MAN2B2: variants seen among roughly 807,000 people sequenced by gnomAD.
The protein encoded by MAN2B2 is mannosidase alpha class 2B member 2.
In MAN2B2, 106 loss-of-function variants were observed where a neutral mutation model predicts 117.1. That is an observed-to-expected ratio of 0.90 (90% CI 0.77 to 1.06). MAN2B2 has a LOEUF of 1.06. MAN2B2 is among the 50% of genes least tolerant of loss of function. The pLI is 0.00. For synonymous variants in MAN2B2, 544 were observed against 595.1 expected (o/e 0.91, Z 1.25); for missense variants, 1,326 against 1,381.4 (o/e 0.96, Z 0.64).
chr4:6,584,371 A>T (rs1726554192), intron 3 of MAN2B2, among the ~76,000 whole-genome samples: 1 of 152,226 alleles, frequency 6.6e-6, no homozygotes, highest in Non-Finnish European at 1.5e-5. Context: ...CAGACACCAC[A>T]TTCAAGGCAG....
chr4:6,595,204 G>A (rs1727031464), intron 7 of MAN2B2, among the ~76,000 whole-genome samples: 1 of 152,240 alleles, frequency 6.6e-6, no homozygotes, highest in Non-Finnish European at 1.5e-5. Context: ...AGCACAGCCT[G>A]AGAGCTAAGA....
chr4:6,576,546 C>T (rs1203720186), intron 1 of MAN2B2, 32 bp from the exon 2 acceptor site: 1 of 1,596,702 alleles, frequency 6.3e-7, no homozygotes. Context: ...TCTTGTTGGA[C>T]CGGGGCTGGC....
intron 16 of MAN2B2, among the ~76,000 whole-genome samples, chr4:6,615,244 T>C (rs1458556403): frequency 1.3e-5 from 2 of 150,778 alleles, no homozygotes; most frequent in East Asian, 2.0e-4. Flanking sequence ...AAAATAAAAA[T>C]AGAAAAGTTC....
rs75671832 is a variant in MAN2B2 at position 6,605,668 on chromosome 4, C to G, written c.1814+339C>G. On this transcript the variant is annotated intron_variant, in intron 11 of 18. Coordinates refer to ENST00000285599, the MANE Select transcript of MAN2B2 (RefSeq NM_015274.3). ...TAGTGTTACTGTCTTTAAAGCAGGACGGGACTTTCAAAATCATCTAATCCC... is the reference window on the plus strand; with the variant it reads ...TAGTGTTACTGTCTTTAAAGCAGGAGGGGACTTTCAAAATCATCTAATCCC... Among the ~76,000 whole-genome samples, 72 of 152,142 alleles carry G rather than the reference C, an allele frequency of 4.7e-4. 1 individual carries two copies. In the East Asian group the frequency reaches 0.013, roughly 28 times the overall value.
At chr4:6,583,523 G>T (rs1180364523) in intron 3 of MAN2B2, among the ~76,000 whole-genome samples, 3 of 152,128 alleles carry the variant, frequency 2.0e-5, no homozygotes, top group African/African-American at 7.2e-5. Context: ...TCTGCTGGAC[G>T]GCCAGAAAAC....
Position 6,583,458 on chromosome 4 carries a change from C to T in MAN2B2, c.392-3538C>T, listed in dbSNP as rs147008397. On this transcript the variant is annotated intron_variant, in intron 3 of 18. Coordinates refer to ENST00000285599, the MANE Select transcript of MAN2B2 (RefSeq NM_015274.3). ...AAAGGAAGAAGGACAGAATGTATAT[C>T]GGACGCCAATTAACAGTTTTGGTCA... Among the ~76,000 whole-genome samples the T allele has an allele frequency of 8.7e-3, 1,326 of 152,290 alleles. 21 individuals are homozygous for T. The highest frequency in any genetic ancestry group is 0.03 in the African/African-American group (1,232 of 41,562).
At position 6,609,216 on chromosome 4, in the gene MAN2B2, G is replaced by C. The variant is rs1183338899; in HGVS notation, c.1924G>C (p.Ala642Pro). The C allele has an allele frequency of 9.9e-6, 16 of 1,614,100 alleles. No individual in the cohort carries two copies. The Admixed American group carries it at 1.2e-4, about 12-fold the overall frequency. The change falls in exon 12 of 19, where the codon GCC (alanine) becomes CCC (proline). Residue 642 changes from alanine to proline, a missense_variant. Ala to Pro is a conservative substitution (Grantham distance 27). Coordinates refer to ENST00000285599, the MANE Select transcript of MAN2B2 (RefSeq NM_015274.3). ...SDNYLFTPGK[A>P]AVPAWEAVEM... ...TAACTACCTGTTCACACCGGGCAAG[G>C]CCGCGGTGCCTGCGTGGGAAGCTGT...
At chr4:6,614,622 C>T (rs913745141) in intron 16 of MAN2B2, among the ~76,000 whole-genome samples, 6 of 152,192 alleles carry the variant, frequency 3.9e-5, no homozygotes, top group Non-Finnish European at 8.8e-5. Flanking sequence ...CCACCCCCAG[C>T]TGAGACTAAG....
chr4:6,597,442 G>T, intron 8 of MAN2B2, 139 bp downstream of exon 8: 1 of 965,156 alleles, frequency 1.0e-6, no homozygotes. Flanking sequence ...GTTCCCTTTG[G>T]TTACAAGGCC....
chr4:6,608,388 C>A lies in MAN2B2; in HGVS notation c.1815-719C>A, dbSNP rs1328024842. 2.6e-5 allele frequency among the ~76,000 whole-genome samples: 4 copies of A among 152,316 alleles called. No individual in the cohort carries two copies. The East Asian group carries it at 7.7e-4, about 29-fold the overall frequency. ...AGAGGCCATCCACCTCATTGTCCGC[C>A]CACAGCCAGGCCAGACTCAGATACA... On this transcript the variant is annotated intron_variant, in intron 11 of 18. Coordinates refer to ENST00000285599, the MANE Select transcript of MAN2B2 (RefSeq NM_015274.3).
At chr4:6,575,386 C>A in intron 1 of MAN2B2, 38 bp downstream of exon 1, 1 of 1,416,842 alleles carries the variant, frequency 7.1e-7, no homozygotes, top group Non-Finnish European at 9.4e-7. Context: ...CCTGAGGCTG[C>A]AGCTTCCCTC....
chr4:6,580,975 G>A (rs1013026411), intron 3 of MAN2B2, among the ~76,000 whole-genome samples: 2 of 152,194 alleles, frequency 1.3e-5, no homozygotes, highest in Non-Finnish European at 2.9e-5. Context: ...CGGCTGTTGT[G>A]AGGCTCCATT....
rs1296335093 is a variant in MAN2B2 at position 6,611,228 on chromosome 4, G to A, written c.2513G>A (p.Ser838Asn). ...CTCACCACTGCCCTGCGCCAGAGGA[G>A]CGCACTGGCGCTGCAGCACAGGCCC... The part of the protein sequence containing the change: ...WSLTTALRQR[S>N]ALALQHRPVV... Residue 838 changes from serine (S) to asparagine (N), a missense_variant, in exon 15 of 19, where the codon AGC becomes AAC. Ser to Asn is a conservative substitution (Grantham distance 46, BLOSUM62 1). Coordinates refer to ENST00000285599, the MANE Select transcript of MAN2B2 (RefSeq NM_015274.3). 6.2e-7 allele frequency: 1 copy of A among 1,613,470 alleles called. No homozygotes were observed. The highest frequency in any genetic ancestry group is 8.5e-7 in the Non-Finnish European group (1 of 1,179,942).
intron 10 of MAN2B2, among the ~76,000 whole-genome samples, chr4:6,601,258 C>T (rs1727317206): frequency 6.6e-6 from 1 of 152,236 alleles, no homozygotes; most frequent in African/African-American, 2.4e-5. Flanking sequence ...AATCCAAACA[C>T]TTTCGGAGGC....
chr4:6,575,388 G>C, intron 1 of MAN2B2, 40 bp downstream of exon 1: 3 of 1,421,356 alleles, frequency 2.1e-6, no homozygotes, highest in Non-Finnish European at 2.8e-6. Flanking sequence ...TGAGGCTGCA[G>C]CTTCCCTCTC....
rs140158985 is a variant in MAN2B2 at position 6,621,284 on chromosome 4, G to A, written c.3029G>A (p.Ter1010=). 17,363 of 1,613,410 alleles carry A rather than the reference G, an allele frequency of 0.011. 136 individuals are homozygous for A. Among genetic ancestry groups the A allele is most frequent in the Non-Finnish European group, 0.013 (14,952 of 1,179,480 alleles). The part of the protein sequence containing the change: ...RTFFIHFQQQ[*] ...TTCTTTATTCACTTTCAACAGCAGT[G>A]AGCCCTGGGCAGATGCCCCGGCCCC... The change falls in exon 19 of 19, where the codon TGA becomes TAA. Residue 1010 remains the stop codon, a stop_retained_variant. Coordinates refer to ENST00000285599, the MANE Select transcript of MAN2B2 (RefSeq NM_015274.3).
In MAN2B2 at chr4:6,575,270, G is replaced by T. The variant is rs551727124; in HGVS notation, c.60G>T (p.Gly20=). The T allele has an allele frequency of 5.8e-6, 9 of 1,554,784 alleles. No individual in the cohort carries two copies. In the South Asian group the frequency reaches 9.4e-5, roughly 16 times the overall value. The part of the protein sequence containing the change: ...LAPLLLLRPP[G]VQSAGPIRAF... ...CGCTCCTGTTGCTGCGACCGCCAGG[G>T]GTCCAGTCCGCCGGCCCCATCCGGG... Residue 20 remains glycine, a synonymous_variant, in exon 1 of 19, where the codon GGG becomes GGT. Transcript: ENST00000285599.
In MAN2B2 at chr4:6,593,266, C is replaced by T. The variant is rs376081950; in HGVS notation, c.774C>T (p.Asn258=). 2.0e-4 allele frequency: 320 copies of T among 1,613,930 alleles called. 3 individuals carry two copies. Among genetic ancestry groups the T allele is most frequent in the Admixed American group, 1.0e-4 (6 of 60,000 alleles). The change falls in exon 6 of 19, where the codon AAC becomes AAT. Residue 258 remains asparagine (N), a synonymous_variant. Transcript: ENST00000285599. ...TGAGTGAGCCTGTCACCCCAGCCAA[C>T]ATCAACCTCTATGCCGAGGCCCTGG... The part of the protein sequence containing the change: ...PNMSEPVTPA[N]INLYAEALVA...
intron 10 of MAN2B2, among the ~76,000 whole-genome samples, chr4:6,604,566 G>A (rs996986255): frequency 2.6e-5 from 4 of 152,054 alleles, no homozygotes; most frequent in Admixed American, 1.3e-4. Context: ...AGAAGGTGCA[G>A]GGTAGGTGCT....
Sources: allele counts gnomAD v4.1 joint callset (sites outside exome capture counted in the v4.1 genomes callset), GRCh38; gene constraint gnomAD v4.1.1; transcripts MANE v1.5; gene names NCBI Gene and HGNC (gene_info 2026-07-23, HGNC 2026-07-21).